Variants in SMG7 observed in about 807,000 individuals in gnomAD.
SMG7 encodes nonsense-mediated mRNA decay factor SMG7.
SMG7 carries 34 observed loss-of-function variants against 148.2 expected under a neutral mutation model. The ratio of observed to expected loss-of-function variants is 0.23; its 90% CI spans 0.17 to 0.31. The LOEUF is 0.31. Among genes scored for constraint, SMG7 ranks in the 10% least tolerant of loss-of-function variants. The pLI is 1.00. For synonymous variants in SMG7, 492 were observed against 515.1 expected (o/e 0.96, Z 0.61); for missense variants, 1,114 against 1,408.4 (o/e 0.79, Z 3.35).
chr1:183,483,341 T>C (rs1488621434), intron 1 of SMG7, among the ~76,000 whole-genome samples: 1 of 152,164 alleles, frequency 6.6e-6, no homozygotes, highest in Non-Finnish European at 1.5e-5. Context: ...TTACGAATTA[T>C]TTACTTTTGT....
At chr1:183,548,209 G>A (rs935985945) in intron 18 of SMG7, among the ~76,000 whole-genome samples, 1 of 152,086 alleles carries the variant, frequency 6.6e-6, no homozygotes, top group Non-Finnish European at 1.5e-5. Flanking sequence ...AGCAGTAGGG[G>A]CCCCATACCA....
chr1:183,550,372 G>T (rs1198848333), intron 20 of SMG7, among the ~76,000 whole-genome samples: 1 of 152,122 alleles, frequency 6.6e-6, no homozygotes, highest in Non-Finnish European at 1.5e-5. Flanking sequence ...GCCCAGCTCT[G>T]CACTTTTTAA....
chr1:183,545,410 T>A, intron 16 of SMG7, 98 bp downstream of exon 16: 1 of 1,357,490 alleles, frequency 7.4e-7, no homozygotes, highest in Non-Finnish European at 1.0e-6. Flanking sequence ...GACATACTTC[T>A]TGCTTAGATT....
chr1:183,473,847 A>G, intron 1 of SMG7: 2 of 985,426 alleles, frequency 2.0e-6, no homozygotes, highest in Non-Finnish European at 2.4e-6. Context: ...TTAGCTGTTT[A>G]GTGACATGAA....
intron 8 of SMG7, among the ~76,000 whole-genome samples, chr1:183,530,062 T>C (rs757685895): frequency 2.6e-5 from 4 of 152,184 alleles, no homozygotes; most frequent in Admixed American, 6.5e-5. Flanking sequence ...TGTTAAGATA[T>C]TAGCAGTTTA....
intron 1 of SMG7, among the ~76,000 whole-genome samples, chr1:183,477,640 A>G (rs918301866): frequency 2.3e-5 from 3 of 130,948 alleles, no homozygotes; most frequent in Non-Finnish European, 4.9e-5. Context: ...GTATATATGC[A>G]TATATACGTG....
intron 1 of SMG7, among the ~76,000 whole-genome samples, chr1:183,484,215 A>G (rs1019124908): frequency 6.6e-6 from 1 of 152,110 alleles, no homozygotes; most frequent in African/African-American, 2.4e-5. Flanking sequence ...ATAAAATGGC[A>G]TAGTACTTGC....
At chr1:183,540,510 A>G (rs905006907) in intron 12 of SMG7, among the ~76,000 whole-genome samples, 3 of 151,994 alleles carry the variant, frequency 2.0e-5, no homozygotes, top group African/African-American at 7.2e-5. Flanking sequence ...GTTATTCTAT[A>G]TGCTTTACGA....
At chr1:183,547,016 T>G (rs1572100480) in intron 17 of SMG7, 87 bp from the exon 18 acceptor site, 2 of 1,307,810 alleles carry the variant, frequency 1.5e-6, no homozygotes, top group East Asian at 5.1e-5. Context: ...TTGACTTTAG[T>G]TGTCTTCTTC....
In SMG7 at chr1:183,527,106, G is replaced by A. The variant is rs1666021459; in HGVS notation, c.484+339G>A. Among the ~76,000 whole-genome samples, 6 of 152,246 alleles carry A rather than the reference G, an allele frequency of 3.9e-5. No individual in the cohort carries two copies. In the South Asian group the frequency reaches 1.2e-3, roughly 32 times the overall value. On this transcript the variant is annotated intron_variant, in intron 5 of 22. Transcript: ENST00000688051. The surrounding 1 kb of genome is among the most constrained non-coding windows in gnomAD (Gnocchi z 4.0). Reference sequence around the variant, plus strand: ...TTAAATGTACTCTTCTGGAATAAATGAGGTTTATAAATTACTCCTGAAGCG... The same window carrying A: ...TTAAATGTACTCTTCTGGAATAAATAAGGTTTATAAATTACTCCTGAAGCG...
intron 1 of SMG7, among the ~76,000 whole-genome samples, chr1:183,488,070 A>G (rs1406140094): frequency 1.3e-5 from 2 of 152,244 alleles, no homozygotes; most frequent in African/African-American, 4.8e-5. Flanking sequence ...AACATAAATC[A>G]GTACTATTTC....
intron 3 of SMG7, 34 bp downstream of exon 3, chr1:183,516,025 A>C: frequency 7.8e-7 from 1 of 1,277,764 alleles, no homozygotes; most frequent in Non-Finnish European, 1.1e-6. Context: ...AAGTCCCTGT[A>C]AGATCAAGAA....
At chr1:183,501,904 G>A (rs531345522) in intron 1 of SMG7, among the ~76,000 whole-genome samples, 1 of 152,014 alleles carries the variant, frequency 6.6e-6, no homozygotes, top group South Asian at 2.1e-4. Flanking sequence ...TTTTTCTTCA[G>A]TAAGGAGTCC....
intron 1 of SMG7, among the ~76,000 whole-genome samples, chr1:183,493,279 A>G (rs891533350): frequency 4.6e-5 from 7 of 152,206 alleles, no homozygotes; most frequent in African/African-American, 1.2e-4. Flanking sequence ...CCGGCAACCT[A>G]TGATTATTTA....
At chr1:183,520,556 C>G (rs1427851047) in intron 4 of SMG7, among the ~76,000 whole-genome samples, 1 of 151,928 alleles carries the variant, frequency 6.6e-6, no homozygotes, top group African/African-American at 2.4e-5. Context: ...GAACTGGGAA[C>G]ATGACTAAAG....
intron 10 of SMG7, among the ~76,000 whole-genome samples, chr1:183,534,986 C>T (rs1373698446): frequency 1.3e-5 from 2 of 152,190 alleles, no homozygotes; most frequent in Middle Eastern, 3.4e-3. Flanking sequence ...CTATATACAT[C>T]TCCTTTTAAT....
intron 1 of SMG7, among the ~76,000 whole-genome samples, chr1:183,500,330 G>A (rs1345976672): frequency 6.6e-6 from 1 of 152,170 alleles, no homozygotes; most frequent in African/African-American, 2.4e-5. Flanking sequence ...CTGATTGACT[G>A]TATAAAATGG....
intron 10 of SMG7, among the ~76,000 whole-genome samples, chr1:183,536,808 T>G (rs1257150548): frequency 6.6e-6 from 1 of 152,154 alleles, no homozygotes; most frequent in Non-Finnish European, 1.5e-5. Context: ...AAAAACATAG[T>G]ATGTTATTTC....
At position 183,490,651 on chromosome 1, in the gene SMG7, A is replaced by T. The variant is rs181557109; in HGVS notation, c.29+18002A>T. Among the ~76,000 whole-genome samples, 605 of 152,356 alleles carry T rather than the reference A, an allele frequency of 4.0e-3. 3 individuals carry two copies. Among genetic ancestry groups the T allele is most frequent in the Middle Eastern group, 0.031 (9 of 294 alleles). ...CATATACAGATAATGCATTTTAAAC[A>T]TATACTGTTTTAATCAAATTCTCTA... On this transcript the variant is annotated intron_variant, in intron 1 of 22. Transcript: ENST00000688051.
Sources: allele counts gnomAD v4.1 joint callset (sites outside exome capture counted in the v4.1 genomes callset), GRCh38; gene constraint gnomAD v4.1.1; non-coding constraint Gnocchi (gnomAD v3.1); transcripts MANE v1.5; gene names NCBI Gene and HGNC (gene_info 2026-07-23, HGNC 2026-07-21).